TMED3: variants seen among roughly 807,000 people sequenced by gnomAD.
TMED3 encodes transmembrane p24 trafficking protein 3, also known as transmembrane emp24 domain-containing protein 3.
Under a neutral mutation model 15.0 loss-of-function variants are expected in TMED3, and 9 were observed. The ratio of observed to expected loss-of-function variants is 0.60; its 90% confidence interval spans 0.36 to 1.04. The LOEUF is 1.04. Among genes scored for constraint, TMED3 ranks in the 50% least tolerant of loss-of-function variants. The pLI is 0.01. For missense variants in TMED3, 267 were observed against 278.9 expected (o/e 0.96, Z 0.30); for synonymous variants, 117 against 121.4 (o/e 0.96, Z 0.24).
At chr15:79,397,144 C>T (rs777229611) in intron 2 of TMED3, among the ~76,000 whole-genome samples, 1 of 152,170 alleles carries the variant, frequency 6.6e-6, no homozygotes, top group Non-Finnish European at 1.5e-5. Context: ...TCACTCATTT[C>T]TTTTTTACAT....
rs2058771813 is a variant in TMED3 at position 79,322,395 on chromosome 15, C to T, written c.*181C>T. On this transcript the variant is annotated 3_prime_UTR_variant, in exon 3 of 3. Transcript: ENST00000299705. ...CTCAGCAGCTGAAGGTCTCAGAGAC[C>T]AGTAATCAGAAGGCATCCGACTGCA... The T allele has an allele frequency of 4.2e-6, 6 of 1,432,540 alleles. No homozygotes were observed. Among genetic ancestry groups the T allele is most frequent in the Admixed American group, 2.9e-5 (1 of 34,620 alleles). 88.7% of individuals were successfully genotyped at this position (1,432,540 alleles called of 1,614,324 possible).
At chr15:79,384,513 C>T (rs28483143) in intron 2 of TMED3, 20,146 of 152,164 alleles carry the variant, frequency 0.13, 1,430 homozygotes, top group East Asian at 0.2. Context: ...GCTTCATATG[C>T]GATGCCAAGA....
At chr15:79,412,492 C>G (rs937844008) in exon 3 of TMED3, 2 of 152,416 alleles carry the variant, frequency 1.3e-5, no homozygotes, top group Non-Finnish European at 2.9e-5. Flanking sequence ...GAGCAGCCAC[C>G]CTTGCCTGCA....
At chr15:79,398,879 C>T (rs750452686) in intron 2 of TMED3, among the ~76,000 whole-genome samples, 2 of 152,196 alleles carry the variant, frequency 1.3e-5, no homozygotes, top group African/African-American at 2.4e-5. Flanking sequence ...ATCTGTTTTA[C>T]TCAGTCTACC....
Position 79,322,335 on chromosome 15 carries a change from C to T in TMED3, c.*121C>T. On this transcript the variant is annotated 3_prime_UTR_variant, in exon 3 of 3. Transcript: ENST00000299705. ...GGCAGAACGATGCTGCTGTGGTAGC[C>T]CTTTGCCTTTCATGCCCATGCTTGA... is the stretch of plus-strand genomic sequence containing the variant. 1 of 1,495,930 alleles carries T rather than the reference C, an allele frequency of 6.7e-7. No individual in the cohort carries two copies. Among genetic ancestry groups the T allele is most frequent in the Non-Finnish European group, 8.9e-7 (1 of 1,127,188 alleles). 92.7% of individuals were successfully genotyped at this position (1,495,930 alleles called of 1,614,324 possible). A position where few individuals can be genotyped will look rare whatever the true frequency, so the allele number is the denominator to read the frequency against.
At chr15:79,354,973 G>A (rs1417905018) in intron 2 of TMED3, among the ~76,000 whole-genome samples, 2 of 152,102 alleles carry the variant, frequency 1.3e-5, no homozygotes, top group East Asian at 3.8e-4. Context: ...AGCAGCAAAG[G>A]CCAGGACGAA....
At chr15:79,399,473 A>T (rs1439085090) in intron 2 of TMED3, among the ~76,000 whole-genome samples, 1 of 152,194 alleles carries the variant, frequency 6.6e-6, no homozygotes, top group Non-Finnish European at 1.5e-5. Flanking sequence ...TGAGGCATGG[A>T]GACACATAAT....
intron 2 of TMED3, among the ~76,000 whole-genome samples, chr15:79,330,427 A>G (rs2058803919): frequency 1.3e-5 from 2 of 152,210 alleles, no homozygotes; most frequent in Admixed American, 6.5e-5. Context: ...AGGCAATCCC[A>G]TTTATAATAT....
intron 2 of TMED3, among the ~76,000 whole-genome samples, chr15:79,329,184 T>A (rs2058798453): frequency 6.6e-6 from 1 of 152,208 alleles, no homozygotes; most frequent in Non-Finnish European, 1.5e-5. Flanking sequence ...GGGGTTCCCT[T>A]CCTTCCCTTA....
intron 2 of TMED3, among the ~76,000 whole-genome samples, chr15:79,406,284 C>T (rs954723412): frequency 6.6e-6 from 1 of 152,178 alleles, no homozygotes; most frequent in African/African-American, 2.4e-5. Context: ...CTTTAATAGC[C>T]CTTTCTCCAT....
At chr15:79,408,180 T>A (rs1403313541) in intron 2 of TMED3, among the ~76,000 whole-genome samples, 1 of 152,196 alleles carries the variant, frequency 6.6e-6, no homozygotes, top group Admixed American at 6.5e-5. Flanking sequence ...TGTAAGAATG[T>A]TTGTGTGTGA....
intron 2 of TMED3, among the ~76,000 whole-genome samples, chr15:79,373,598 T>C: frequency 6.6e-6 from 1 of 152,202 alleles, no homozygotes; most frequent in Non-Finnish European, 1.5e-5. Context: ...GTCTATATAG[T>C]TGGTTTGTGT....
At chr15:79,407,164 G>A (rs58370825) in intron 2 of TMED3, among the ~76,000 whole-genome samples, 3,354 of 152,246 alleles carry the variant, frequency 0.022, 121 homozygotes, top group African/African-American at 0.077. Context: ...CAGACCCAGT[G>A]TCTCAACTTC....
At chr15:79,322,885 G>C (rs1291501962), downstream of TMED3, 1 of 985,414 alleles carries the variant, frequency 1.0e-6, no homozygotes, top group Non-Finnish European at 1.2e-6. Context: ...GGACTCCAGA[G>C]CTTACTGCAG....
At chr15:79,353,096 TATATAAA>T (rs1423072716) in intron 2 of TMED3, among the ~76,000 whole-genome samples, 5 of 99,256 alleles carry the variant, frequency 5.0e-5, no homozygotes, top group African/African-American at 1.7e-4. Flanking sequence ...AATATAAATG[TATATAAA>T]ATATAAAATA....
At chr15:79,408,658 C>T (rs1363278442) in intron 2 of TMED3, among the ~76,000 whole-genome samples, 1 of 152,012 alleles carries the variant, frequency 6.6e-6, no homozygotes, top group East Asian at 1.9e-4. Context: ...AGCCAGAAAC[C>T]CAGGGTCCAG....
intron 2 of TMED3, among the ~76,000 whole-genome samples, chr15:79,356,879 T>C (rs947317392): frequency 1.3e-5 from 2 of 152,172 alleles, no homozygotes; most frequent in African/African-American, 4.8e-5. Context: ...TAAGGTAAGA[T>C]ATGCAACACT....
chr15:79,329,657 A>G (rs1189040276), intron 2 of TMED3, among the ~76,000 whole-genome samples: 1 of 152,212 alleles, frequency 6.6e-6, no homozygotes, highest in East Asian at 1.9e-4. Flanking sequence ...GAGCCGCAGG[A>G]GCCTCAGAGC....
chr15:79,403,095 G>A (rs897608780), intron 2 of TMED3, among the ~76,000 whole-genome samples: 3 of 151,794 alleles, frequency 2.0e-5, no homozygotes, highest in African/African-American at 7.3e-5. Flanking sequence ...GGTGGTGCAT[G>A]CCTGTAATCC....
Sources: allele counts gnomAD v4.1 joint callset (sites outside exome capture counted in the v4.1 genomes callset), GRCh38; gene constraint gnomAD v4.1.1; transcripts MANE v1.5; gene names NCBI Gene and HGNC (gene_info 2026-07-23, HGNC 2026-07-21).